The following KCND2 variants were observed in gnomAD, a reference collection of about 807,000 sequenced individuals.
KCND2 encodes A-type voltage-gated potassium channel KCND2.
Under a neutral mutation model 54.4 loss-of-function variants are expected in KCND2, and 16 were observed. The observed-to-expected ratio is 0.29, with a 90% confidence interval of 0.20 to 0.45. The LOEUF is 0.45. Ranked by LOEUF, KCND2 falls within the 20% of genes least tolerant of loss-of-function variation. The probability of loss-of-function intolerance (pLI) is 1.00; values close to 1 mark genes in which losing one functional copy is unlikely to be tolerated. For missense variants in KCND2, 486 were observed against 824.2 expected (o/e 0.59, Z 5.02); for synonymous variants, 317 against 310.7 (o/e 1.02, Z -0.21).
chr7:120,621,968 T>G (rs550257050), intron 1 of KCND2, among the ~76,000 whole-genome samples: 7 of 152,112 alleles, frequency 4.6e-5, no homozygotes, highest in East Asian at 3.9e-4. Context: ...AGAAGGTTTT[T>G]TTGTTGTTGT....
At chr7:120,444,571 C>A (rs1238719269) in intron 1 of KCND2, among the ~76,000 whole-genome samples, 2 of 151,954 alleles carry the variant, frequency 1.3e-5, no homozygotes, top group Middle Eastern at 3.2e-3. Context: ...TGCTGTAAAA[C>A]CCTGGATACT....
At chr7:120,674,873 A>G (rs1407325226) in intron 1 of KCND2, among the ~76,000 whole-genome samples, 2 of 152,222 alleles carry the variant, frequency 1.3e-5, no homozygotes, top group Admixed American at 6.5e-5. Context: ...GTAAAATAGT[A>G]AAGTATACCT....
chr7:120,615,163 A>G (rs1161281682), intron 1 of KCND2, among the ~76,000 whole-genome samples: 1 of 152,172 alleles, frequency 6.6e-6, no homozygotes, highest in Non-Finnish European at 1.5e-5. Flanking sequence ...CTATTCTGTC[A>G]ACTACACCAG....
At chr7:120,428,483 G>A (rs563082916) in intron 1 of KCND2, among the ~76,000 whole-genome samples, 2 of 152,290 alleles carry the variant, frequency 1.3e-5, no homozygotes, top group South Asian at 4.1e-4. Context: ...ACCATGACTA[G>A]CAGTCTGAAA....
chr7:120,544,448 AT>A (rs1792019204), intron 1 of KCND2, among the ~76,000 whole-genome samples: 1 of 151,982 alleles, frequency 6.6e-6, no homozygotes, highest in African/African-American at 2.4e-5. Flanking sequence ...TAAAATATTT[AT>A]TTTATCCCAA....
chr7:120,647,986 C>A (rs749287734), intron 1 of KCND2, among the ~76,000 whole-genome samples: 1 of 152,036 alleles, frequency 6.6e-6, no homozygotes, highest in Non-Finnish European at 1.5e-5. Flanking sequence ...TGTCTAAGTA[C>A]AGTAATATTA....
chr7:120,487,347 A>G lies in KCND2; in HGVS notation c.1115+211600A>G, dbSNP rs146232743. Among the ~76,000 whole-genome samples, 49 of 152,294 alleles carry G rather than the reference A, an allele frequency of 3.2e-4. 1 individual carries two copies. Among genetic ancestry groups the G allele is most frequent in the African/African-American group, 1.2e-3 (48 of 41,554 alleles). On this transcript the variant is annotated intron_variant, in intron 1 of 5. Coordinates refer to ENST00000331113, the MANE Select transcript of KCND2 (RefSeq NM_012281.3). ...TTAGGATAGAATAAAACGAACAACA[A>G]TTTAAAAAATGGAATAACAAGAAAA...
At chr7:120,445,548 C>T (rs191756782) in intron 1 of KCND2, among the ~76,000 whole-genome samples, 24 of 152,246 alleles carry the variant, frequency 1.6e-4, no homozygotes, top group African/African-American at 4.8e-4. Context: ...ATTACTCCTT[C>T]ATAAGATTGT....
intron 1 of KCND2, among the ~76,000 whole-genome samples, chr7:120,301,149 C>T (rs1563002110): frequency 6.6e-6 from 1 of 151,942 alleles, no homozygotes; most frequent in Non-Finnish European, 1.5e-5. Context: ...ATAATATTAC[C>T]TATGGGCCAA....
At chr7:120,722,526 T>C (rs1280644224) in intron 1 of KCND2, among the ~76,000 whole-genome samples, 1 of 152,210 alleles carries the variant, frequency 6.6e-6, no homozygotes, top group African/African-American at 2.4e-5. Context: ...TGCATTCTTT[T>C]CTGTGACACT....
intron 1 of KCND2, among the ~76,000 whole-genome samples, chr7:120,423,114 T>C (rs910467955): frequency 2.5e-4 from 38 of 152,206 alleles, no homozygotes; most frequent in African/African-American, 9.2e-4. Flanking sequence ...CAGACTTATT[T>C]GTTCAGTTTT....
intron 1 of KCND2, among the ~76,000 whole-genome samples, chr7:120,638,326 C>G (rs939408250): frequency 2.3e-4 from 35 of 152,234 alleles, no homozygotes; most frequent in African/African-American, 8.4e-4. Flanking sequence ...GTAAGGCACA[C>G]TGAACCAGAA....
intron 1 of KCND2, among the ~76,000 whole-genome samples, chr7:120,429,980 A>C (rs1248674556): frequency 1.3e-5 from 2 of 152,248 alleles, no homozygotes; most frequent in Non-Finnish European, 2.9e-5. Context: ...TAAAAAATCC[A>C]TTCAAAGAGA....
chr7:120,467,611 G>A (rs780967625), intron 1 of KCND2, among the ~76,000 whole-genome samples: 5 of 152,084 alleles, frequency 3.3e-5, no homozygotes, highest in Non-Finnish European at 7.4e-5. Context: ...TATCAAGTTA[G>A]GCAAAAATGC....
intron 1 of KCND2, among the ~76,000 whole-genome samples, chr7:120,515,461 G>T (rs575430584): frequency 6.6e-6 from 1 of 151,976 alleles, no homozygotes; most frequent in Non-Finnish European, 1.5e-5. Flanking sequence ...GAACCCTAAG[G>T]TTATGAAGAA....
intron 1 of KCND2, among the ~76,000 whole-genome samples, chr7:120,704,749 G>A (rs1792445449): frequency 6.6e-6 from 1 of 152,128 alleles, no homozygotes; most frequent in Non-Finnish European, 1.5e-5. Context: ...TAAAAATCCT[G>A]TTTTGCCTTT....
intron 1 of KCND2, among the ~76,000 whole-genome samples, chr7:120,487,893 A>G (rs1355782828): frequency 2.0e-5 from 3 of 152,198 alleles, no homozygotes; most frequent in Admixed American, 6.5e-5. Flanking sequence ...AAAATTAGTT[A>G]TGTACAGCCA....
In KCND2 at chr7:120,642,569, T is replaced by G. The variant is rs199965991; in HGVS notation, c.1116-90334T>G. 4.6e-5 allele frequency among the ~76,000 whole-genome samples: 3 copies of G among 65,374 alleles called. No individual in the cohort carries two copies. In the East Asian group the frequency reaches 2.1e-3, roughly 47 times the overall value. 42.9% of individuals were successfully genotyped at this position (65,374 alleles called of 152,430 possible). A position where few individuals can be genotyped will look rare whatever the true frequency, so the allele number is the denominator to read the frequency against. ...AATTCGTCTCAATAAAAATAAAAAA[T>G]AAAAAAAAATATATATATATATGTA... On this transcript the variant is annotated intron_variant, in intron 1 of 5. Transcript: ENST00000331113.
At chr7:120,474,147 A>T (rs1408476769) in intron 1 of KCND2, among the ~76,000 whole-genome samples, 1 of 152,108 alleles carries the variant, frequency 6.6e-6, no homozygotes, top group Non-Finnish European at 1.5e-5. Context: ...CTAGGAAGCC[A>T]CCTGCCCCCA....
Sources: gnomAD v4.1 joint callset for allele counts (sites outside exome capture counted in the v4.1 genomes callset) on GRCh38, gnomAD v4.1.1 for gene constraint, MANE v1.5 for transcripts, NCBI Gene and HGNC (gene_info 2026-07-23, HGNC 2026-07-21) for gene names.